The following MRPL20 variants were observed in gnomAD, a reference collection of about 807,000 sequenced individuals.
The protein encoded by MRPL20 is mitochondrial ribosomal protein L20.
A neutral mutation model predicts 20.0 loss-of-function variants in MRPL20; 21 were observed. That is an observed-to-expected ratio of 1.05 (90% CI 0.74 to 1.51). The LOEUF (loss-of-function observed/expected upper bound fraction) is 1.51, where lower values mean the gene tolerates loss of function less well. Among genes scored for constraint, MRPL20 ranks in the 40% most tolerant of loss-of-function variants. MRPL20 has a pLI of 0.00. For synonymous variants in MRPL20, 104 were observed against 73.0 expected (o/e 1.43, Z -2.17); for missense variants, 252 against 185.6 (o/e 1.36, Z -2.08).
chr1:1,405,978 A>G (rs1037128451), intron 2 of MRPL20, 92 bp from the exon 3 acceptor site: 6 of 1,503,796 alleles, frequency 4.0e-6, no homozygotes, highest in Non-Finnish European at 5.4e-6. Context: ...TATTTTTCTA[A>G]AAGTAAATAG....
At chr1:1,403,137 AAG>A (rs1491321893) in intron 3 of MRPL20, among the ~76,000 whole-genome samples, 2 of 151,924 alleles carry the variant, frequency 1.3e-5, no homozygotes, top group African/African-American at 4.8e-5. Flanking sequence ...CAAAAAAAAA[AAG>A]GAACAAAAAC....
intron 2 of MRPL20, chr1:1,406,205 A>C: frequency 3.8e-6 from 1 of 265,024 alleles, no homozygotes; most frequent in Non-Finnish European, 7.3e-6. Context: ...AAAATACAAA[A>C]AATAGCTTGG....
In MRPL20 at chr1:1,407,289, G is replaced by T; in HGVS notation, c.-72C>A. 7.3e-7 allele frequency: 1 copy of T among 1,370,422 alleles called. No individual in the cohort carries two copies. The highest frequency in any genetic ancestry group is 1.0e-6 in the Non-Finnish European group (1 of 991,270). The allele number at this position is 1,370,422 out of a possible 1,614,324, so 84.9% of individuals were successfully genotyped here. ...CGCCGCTGCCATCTTGCCCGGGTCG[G>T]AAATGGTGGTCACGAGCGCTTCCGG... On this transcript the variant is annotated 5_prime_UTR_variant, in exon 1 of 4. Coordinates refer to ENST00000344843, the MANE Select transcript of MRPL20 (RefSeq NM_017971.4).
intron 3 of MRPL20, 182 bp downstream of exon 3, chr1:1,405,627 G>T (rs753858272): frequency 1.8e-5 from 20 of 1,097,794 alleles, no homozygotes; most frequent in Middle Eastern, 2.4e-4. Context: ...TCACCATATT[G>T]ATACCACACT....
At chr1:1,406,825 C>A (rs1645389092) in intron 2 of MRPL20, 84 bp downstream of exon 2, 2 of 1,167,476 alleles carry the variant, frequency 1.7e-6, no homozygotes, top group Admixed American at 1.7e-5. Flanking sequence ...GGTGGCCGGG[C>A]GGCTGCACAC....
chr1:1,403,891 G>T (rs977133192), intron 3 of MRPL20, among the ~76,000 whole-genome samples: 1 of 152,118 alleles, frequency 6.6e-6, no homozygotes, highest in Admixed American at 6.6e-5. Context: ...GCCCACGCTG[G>T]AGTACACTGG....
At chr1:1,404,862 G>A (rs949675949) in intron 3 of MRPL20, among the ~76,000 whole-genome samples, 1 of 152,130 alleles carries the variant, frequency 6.6e-6, no homozygotes, top group African/African-American at 2.4e-5. Context: ...GCCAACCAGT[G>A]CGGTAAGCTC....
rs748261934 is a variant in MRPL20, at chr1:1,402,107, A to G, written c.426T>C (p.Phe142=). The G allele has an allele frequency of 3.2e-5, 52 of 1,614,016 alleles. No homozygotes were observed. In the Admixed American group the frequency reaches 8.5e-4, roughly 26 times the overall value. The change falls in exon 4 of 4, where the codon TTT becomes TTC. Residue 142 remains phenylalanine, a synonymous_variant. Transcript: ENST00000344843. ...LGDGKEPEGI[F]SRVVQYH ...CTCAGTGGTACTGCACCACTCTGGAAAAAATGCCTTCAGGTTCCTTCCCAT... is the reference window on the plus strand; with the variant it reads ...CTCAGTGGTACTGCACCACTCTGGAGAAAATGCCTTCAGGTTCCTTCCCAT...
chr1:1,406,782 T>C, intron 2 of MRPL20, 127 bp downstream of exon 2: 2 of 798,668 alleles, frequency 2.5e-6, no homozygotes, highest in East Asian at 2.5e-5. Context: ...TTTGTCGGAG[T>C]TTCGAAGCAA....
Position 1,405,494 on chromosome 1 carries a change from C to T in MRPL20, c.276+315G>A, listed in dbSNP as rs144883311. On this transcript the variant is annotated intron_variant, in intron 3 of 3. Coordinates refer to ENST00000344843, the MANE Select transcript of MRPL20 (RefSeq NM_017971.4). ...TCTCACTATGTTGCCCAGGCTGTTG[C>T]TGGCACTATTCCTAGGCACAATCTC... 42 of 603,418 alleles carry T rather than the reference C, an allele frequency of 7.0e-5. No individual in the cohort carries two copies. The East Asian group carries it at 1.1e-3, about 16-fold the overall frequency. The allele number at this position is 603,418 out of a possible 1,614,324, so 37.4% of individuals were successfully genotyped here. A position where few individuals can be genotyped will look rare whatever the true frequency, so the allele number is the denominator to read the frequency against.
rs769719476 is a variant in MRPL20, at chr1:1,406,880, G to C, written c.198+29C>G. ...AAACGCAGGGGCCGCGAGTGCGCTG[G>C]CCGGCGGGTGTCCCGGGTCCACGCT... is the stretch of plus-strand genomic sequence containing the variant. On this transcript the variant is annotated intron_variant, in intron 2 of 3. Transcript: ENST00000344843. The C allele has an allele frequency of 2.5e-6, 4 of 1,587,800 alleles. No homozygotes were observed. In the South Asian group the frequency reaches 4.4e-5, roughly 18 times the overall value.
At position 1,407,198 on chromosome 1, in the gene MRPL20, T is replaced by A. The variant is rs1570072980; in HGVS notation, c.20A>T (p.Gln7Leu). MVFLTA[Q>L]LWLRNRVTDR... ...GGTGACGCGATTCCGCAGCCAGAGC[T>A]GCGCGGTGAGGAAGACCATGGCGCC... is the stretch of plus-strand genomic sequence containing the variant. The change falls in exon 1 of 4, where the codon CAG (glutamine) becomes CTG (leucine). Residue 7 changes from glutamine to leucine, a missense_variant. Transcript: ENST00000344843. 6.2e-7 allele frequency: 1 copy of A among 1,605,300 alleles called. No homozygotes were observed.
chr1:1,402,457 A>C (rs1240709), intron 3 of MRPL20: 11 of 1,337,908 alleles, frequency 8.2e-6, no homozygotes, highest in Non-Finnish European at 1.1e-5. Flanking sequence ...GGGTGAGGGA[A>C]GCACCTGTGG....
At position 1,402,184 on chromosome 1, in the gene MRPL20, C is replaced by T. The variant is rs1557749212; in HGVS notation, c.349G>A (p.Ala117Thr). ...IYEPKTFKSLAALASRRRHEG... is the reference protein window; with the variant it reads ...IYEPKTFKSLTALASRRRHEG... The stretch of plus-strand genomic sequence containing the variant: ...TGTCGCCTCCTACTGGCCAAGGCAG[C>T]CAAAGATTTGAAAGTCTTTGGCTCG... Residue 117 changes from alanine (A) to threonine (T), a missense_variant, in exon 4 of 4, where the codon GCT (alanine) becomes ACT (threonine). Coordinates refer to ENST00000344843, the MANE Select transcript of MRPL20 (RefSeq NM_017971.4). The T allele has an allele frequency of 1.2e-6, 2 of 1,613,944 alleles. No homozygotes were observed. Among genetic ancestry groups the T allele is most frequent in the Non-Finnish European group, 1.7e-6 (2 of 1,180,020 alleles).
In MRPL20 at chr1:1,407,185, C is replaced by T. The variant is rs755872449; in HGVS notation, c.33G>A (p.Arg11=). The T allele has an allele frequency of 6.2e-6, 10 of 1,606,756 alleles. No individual in the cohort carries two copies. The Admixed American group carries it at 1.5e-4, about 25-fold the overall frequency. ...GAAAGTAGCGGTCGGTGACGCGATT[C>T]CGCAGCCAGAGCTGCGCGGTGAGGA... MVFLTAQLWL[R]NRVTDRYFRI... The change falls in exon 1 of 4, where the codon CGG becomes CGA. Residue 11 remains arginine (R), a synonymous_variant. Coordinates refer to ENST00000344843, the MANE Select transcript of MRPL20 (RefSeq NM_017971.4).
Position 1,401,976 on chromosome 1 carries a change from C to CAG in MRPL20, c.*105_*106dup. ...TCTGTGAGGCTCTGTCCCAGAGAGA[C>CAG]AGGGCCATCCCTCATGTCTGTTATT... On this transcript the variant is annotated 3_prime_UTR_variant, in exon 4 of 4. Coordinates refer to ENST00000344843, the MANE Select transcript of MRPL20 (RefSeq NM_017971.4). 7.9e-7 allele frequency: 1 copy of CAG among 1,272,348 alleles called. No homozygotes were observed. The highest frequency in any genetic ancestry group is 1.1e-6 in the Non-Finnish European group (1 of 917,140). The allele number at this position is 1,272,348 out of a possible 1,614,324, so 78.8% of individuals were successfully genotyped here.
In MRPL20 at chr1:1,402,068, A is replaced by C. The variant is rs376290095; in HGVS notation, c.*15T>G. On this transcript the variant is annotated 3_prime_UTR_variant, in exon 4 of 4. Transcript: ENST00000344843. Reference sequence around the variant, plus strand: ...ATTACTCTGTCTCTTTTCCTAATCAATACAGCAACAGTCCTCAGTGGTACT... The same window carrying C: ...ATTACTCTGTCTCTTTTCCTAATCACTACAGCAACAGTCCTCAGTGGTACT... 5.6e-6 allele frequency: 9 copies of C among 1,601,824 alleles called. No homozygotes were observed. In the Admixed American group the frequency reaches 1.6e-4, roughly 28 times the overall value.
rs1645336157 is a variant in MRPL20, at chr1:1,402,131, A to C, written c.402T>G (p.Asp134Glu). 7.4e-6 allele frequency: 12 copies of C among 1,614,094 alleles called. No homozygotes were observed. Among genetic ancestry groups the C allele is most frequent in the Non-Finnish European group, 1.0e-5 (12 of 1,180,006 alleles). Residue 134 changes from aspartate (D) to glutamate (E), a missense_variant, in exon 4 of 4, where the codon GAT becomes GAG. Physicochemically the swap from Asp to Glu is conservative, Grantham distance 45. Coordinates refer to ENST00000344843, the MANE Select transcript of MRPL20 (RefSeq NM_017971.4). ...AAAAAATGCCTTCAGGTTCCTTCCC[A>C]TCCCCCAAGGCAGCAGCAAATCCTT... Reference protein sequence around the residue: ...RHEGFAAALGDGKEPEGIFSR... With the variant: ...RHEGFAAALGEGKEPEGIFSR...
In MRPL20 at chr1:1,402,200, CTT is replaced by C. The variant is rs762837151; in HGVS notation, c.331_332del (p.Lys111AspfsTer11). Reference sequence around the variant, plus strand: ...CCAAGGCAGCCAAAGATTTGAAAGTCTTTGGCTCGTAGATGGCCAGATCCGCT... The same window carrying C: ...CCAAGGCAGCCAAAGATTTGAAAGTCTGGCTCGTAGATGGCCAGATCCGCT... ...VLADLAIYEP[K>X]TFKSLAALAS... On this transcript the variant is annotated frameshift_variant, in exon 4 of 4. Transcript: ENST00000344843. LOFTEE classifies it high-confidence loss of function. 6.2e-6 allele frequency: 10 copies of C among 1,614,078 alleles called. No individual in the cohort carries two copies. The highest frequency in any genetic ancestry group is 4.4e-5 in the South Asian group (4 of 91,080).
Sources: allele counts gnomAD v4.1 joint callset (sites outside exome capture counted in the v4.1 genomes callset), GRCh38; gene constraint gnomAD v4.1.1; transcripts MANE v1.5; gene names NCBI Gene and HGNC (gene_info 2026-07-23, HGNC 2026-07-21).